Variants in NNT observed in about 807,000 individuals in gnomAD.
The protein encoded by NNT is nicotinamide nucleotide transhydrogenase.
A neutral mutation model predicts 104.8 loss-of-function variants in NNT; 50 were observed. That is an observed-to-expected ratio of 0.48 (90% confidence interval 0.38 to 0.60). The LOEUF is 0.60. NNT is among the 20% of genes least tolerant of loss of function. NNT has a pLI of 0.00. For missense variants in NNT, 1,131 were observed against 1,330.7 expected, an observed-to-expected ratio of 0.85 and a Z score of 2.33; for synonymous variants, 461 against 490.4, an observed-to-expected ratio of 0.94 and a Z score of 0.79.
chr5:43,702,753 G>A lies in NNT; in HGVS notation c.3111+17G>A. On this transcript the variant is annotated intron_variant, in intron 21 of 21. Transcript: ENST00000344920. ...TCAAAGCAGGTAAAGTTTCAGACTTGTATTTCATTCTGATAATCAAAGGTC... is the reference window on the plus strand; with the variant it reads ...TCAAAGCAGGTAAAGTTTCAGACTTATATTTCATTCTGATAATCAAAGGTC... The A allele has an allele frequency of 6.5e-7, 1 of 1,531,220 alleles. No individual in the cohort carries two copies. Among genetic ancestry groups the A allele is most frequent in the Non-Finnish European group, 9.0e-7 (1 of 1,112,180 alleles). 94.9% of individuals were successfully genotyped at this position (1,531,220 alleles called of 1,614,324 possible).
At chr5:43,623,947 T>C in intron 5 of NNT, 85 bp from the exon 6 acceptor site, 5 of 1,246,998 alleles carry the variant, frequency 4.0e-6, no homozygotes, top group Middle Eastern at 1.9e-4. Context: ...GCTAAACTTA[T>C]ACTAGGCACC....
chr5:43,603,062 G>C (rs1012207382), upstream of NNT: 1 of 152,470 alleles, frequency 6.6e-6, no homozygotes, highest in African/African-American at 2.4e-5. Context: ...GGTTCGGAGA[G>C]CGCGCGGCGA....
intron 7 of NNT, among the ~76,000 whole-genome samples, chr5:43,634,697 C>T (rs2111749041): frequency 6.6e-6 from 1 of 152,188 alleles, no homozygotes; most frequent in East Asian, 1.9e-4. Context: ...GTTGCAACAT[C>T]AAGGGTTGGT....
At chr5:43,673,919 C>G (rs1291753638) in intron 17 of NNT, among the ~76,000 whole-genome samples, 1 of 151,630 alleles carries the variant, frequency 6.6e-6, no homozygotes, top group Admixed American at 6.6e-5. Context: ...ACTCTGGAGG[C>G]TGAGGCAGGA....
chr5:43,619,101 A>G lies in NNT; in HGVS notation c.669A>G (p.Gly223=), dbSNP rs1474728554. 1.9e-6 allele frequency: 3 copies of G among 1,548,588 alleles called. No individual in the cohort carries two copies. Among genetic ancestry groups the G allele is most frequent in the Non-Finnish European group, 2.6e-6 (3 of 1,145,250 alleles). Reference sequence around the variant, plus strand: ...TTACTGGTCAGATCACAGCTGCTGGAAAAGTTCCTCCAGCTAAGGTAGGTA... The same window carrying G: ...TTACTGGTCAGATCACAGCTGCTGGGAAAGTTCCTCCAGCTAAGGTAGGTA... ...RFFTGQITAA[G]KVPPAKILIV... Residue 223 remains glycine (G), a synonymous_variant, in exon 5 of 22, where the codon GGA becomes GGG. Transcript: ENST00000344920.
At chr5:43,607,479 C>T (rs1265629177) in intron 1 of NNT, among the ~76,000 whole-genome samples, 2 of 152,156 alleles carry the variant, frequency 1.3e-5, no homozygotes, top group Non-Finnish European at 2.9e-5. Context: ...TATAAAACTG[C>T]CCCACCCCTA....
rs1355924143 is a variant in NNT at position 43,628,350 on chromosome 5, G to A, written c.927G>A (p.Lys309=). ...AEMKLFAQQC[K]EVDILISTAL... is the part of the protein sequence containing the mutation. ...TGAAACTCTTTGCTCAACAATGCAAGGAGGTAGACATCCTTATCAGCACAG... is the reference window on the plus strand; with the variant it reads ...TGAAACTCTTTGCTCAACAATGCAAAGAGGTAGACATCCTTATCAGCACAG... The change falls in exon 7 of 22, where the codon AAG becomes AAA. Residue 309 remains lysine (K), a synonymous_variant. Transcript: ENST00000344920. 2.5e-6 allele frequency: 4 copies of A among 1,613,282 alleles called. No individual in the cohort carries two copies. Among genetic ancestry groups the A allele is most frequent in the Non-Finnish European group, 2.5e-6 (3 of 1,179,634 alleles).
intron 17 of NNT, among the ~76,000 whole-genome samples, chr5:43,664,677 T>G (rs1301668744): frequency 6.6e-6 from 1 of 151,132 alleles, no homozygotes; most frequent in African/African-American, 2.5e-5. Context: ...AGCTGGGAAC[T>G]GTTCAATCTC....
chr5:43,611,828 C>T (rs886792286), intron 2 of NNT, among the ~76,000 whole-genome samples: 1 of 152,088 alleles, frequency 6.6e-6, no homozygotes. Flanking sequence ...AATGTTTATG[C>T]TGCATATTAA....
intron 19 of NNT, among the ~76,000 whole-genome samples, chr5:43,691,492 T>C (rs1742283289): frequency 6.6e-6 from 1 of 152,218 alleles, no homozygotes; most frequent in Non-Finnish European, 1.5e-5. Flanking sequence ...TCTGTAGTTC[T>C]ATGAGCTAAA....
Position 43,619,126 on chromosome 5 carries a change from A to G in NNT, c.687+7A>G. 1 of 1,503,608 alleles carries G rather than the reference A, an allele frequency of 6.7e-7. No homozygotes were observed. Among genetic ancestry groups the G allele is most frequent in the Admixed American group, 1.9e-5 (1 of 51,464 alleles). The allele number at this position is 1,503,608 out of a possible 1,614,324, so 93.1% of individuals were successfully genotyped here. Reference sequence around the variant, plus strand: ...AAAAGTTCCTCCAGCTAAGGTAGGTACAACTTTTAATGTTTCTTTATAATA... The same window carrying G: ...AAAAGTTCCTCCAGCTAAGGTAGGTGCAACTTTTAATGTTTCTTTATAATA... On this transcript the variant is annotated splice_region_variant and intron_variant, in intron 5 of 21. Transcript: ENST00000344920.
chr5:43,631,542 T>C (rs1383157432), intron 7 of NNT, among the ~76,000 whole-genome samples: 1 of 152,154 alleles, frequency 6.6e-6, no homozygotes, highest in African/African-American at 2.4e-5. Context: ...CATTTACTCA[T>C]GGAGTAAGCC....
At chr5:43,663,035 GA>G (rs1369860656) in intron 17 of NNT, among the ~76,000 whole-genome samples, 1 of 151,734 alleles carries the variant, frequency 6.6e-6, no homozygotes, top group Admixed American at 6.6e-5. Flanking sequence ...TTTTTTATAT[GA>G]ATGTTTAAAT....
At chr5:43,690,136 C>G (rs963616511) in intron 19 of NNT, among the ~76,000 whole-genome samples, 2 of 152,028 alleles carry the variant, frequency 1.3e-5, no homozygotes, top group African/African-American at 2.4e-5. Context: ...TGCTAGAGAT[C>G]GACACATCCA....
At chr5:43,672,783 C>T (rs1286641384) in intron 17 of NNT, among the ~76,000 whole-genome samples, 2 of 152,200 alleles carry the variant, frequency 1.3e-5, no homozygotes, top group African/African-American at 4.8e-5. Flanking sequence ...AAACTCCATG[C>T]TGGGAGAACC....
intron 2 of NNT, among the ~76,000 whole-genome samples, chr5:43,611,859 G>C (rs9654395): frequency 6.6e-6 from 1 of 152,124 alleles, no homozygotes; most frequent in African/African-American, 2.4e-5. Flanking sequence ...AGGAGAAACT[G>C]ATGTCCTGTA....
intron 18 of NNT, 141 bp downstream of exon 18, chr5:43,675,811 T>C (rs1741386281): frequency 1.6e-6 from 1 of 638,296 alleles, no homozygotes; most frequent in Non-Finnish European, 2.5e-6. Flanking sequence ...CTATGATTAC[T>C]AAGTGAAAAA....
chr5:43,667,138 A>G, intron 17 of NNT: 1 of 1,487,524 alleles, frequency 6.7e-7, no homozygotes, highest in Non-Finnish European at 9.2e-7. Flanking sequence ...CACCCCCTTA[A>G]GAGATTCGTA....
rs78039067 is a variant in NNT at position 43,654,374 on chromosome 5, T to A, written c.2059+1161T>A. 2.6e-4 allele frequency among the ~76,000 whole-genome samples: 40 copies of A among 152,370 alleles called. No homozygotes were observed. In the East Asian group the frequency reaches 7.7e-3, roughly 29 times the overall value. On this transcript the variant is annotated intron_variant, in intron 14 of 21. Coordinates refer to ENST00000344920, the MANE Select transcript of NNT (RefSeq NM_182977.3). Reference sequence around the variant, plus strand: ...GATGCAGCTTAAACTTGAGATGTTTTGACTGTAGCTGTGACATTGTGAATA... The same window carrying A: ...GATGCAGCTTAAACTTGAGATGTTTAGACTGTAGCTGTGACATTGTGAATA...
Sources: allele counts gnomAD v4.1 joint callset (sites outside exome capture counted in the v4.1 genomes callset), GRCh38; gene constraint gnomAD v4.1.1; transcripts MANE v1.5; gene names NCBI Gene and HGNC (gene_info 2026-07-23, HGNC 2026-07-21).